Variants in VRTN observed in about 807,000 individuals in gnomAD.
The protein encoded by VRTN is vertebrae development associated.
Under a neutral mutation model 18.2 loss-of-function variants are expected in VRTN, and 5 were observed. The observed-to-expected ratio is 0.27, with a 90% CI of 0.14 to 0.58. The LOEUF (loss-of-function observed/expected upper bound fraction) is 0.58, where lower values mean the gene tolerates loss of function less well. Among genes scored for constraint, VRTN ranks in the 20% least tolerant of loss-of-function variants. VRTN has a pLI of 0.91. For synonymous variants in VRTN, 381 were observed against 393.7 expected (o/e 0.97, Z 0.38); for missense variants, 741 against 939.4 (o/e 0.79, Z 2.76).
rs538822149 is a variant in VRTN, at chr14:74,331,699, G to A, written c.-163-6024G>A. ...GAGGGAGCTTAGAGGTAATTTTAGT[G>A]CCTGCAGAATACTAGATGTGCACAC... On this transcript the variant is annotated intron_variant, in intron 1 of 2. Coordinates refer to the VRTN transcript ENST00000557177. 2.2e-4 allele frequency among the ~76,000 whole-genome samples: 33 copies of A among 149,566 alleles called. No homozygotes were observed. The South Asian group carries it at 7.1e-3, about 32-fold the overall frequency.
chr14:74,304,557 AG>A (rs778713928), intron 1 of VRTN, among the ~76,000 whole-genome samples: 8 of 152,138 alleles, frequency 5.3e-5, no homozygotes, highest in Admixed American at 2.0e-4. Flanking sequence ...TTTGCTGTGT[AG>A]GCTTTCCTAT....
chr14:74,315,316 C>G (rs755000948), intron 1 of VRTN, among the ~76,000 whole-genome samples: 1 of 152,110 alleles, frequency 6.6e-6, no homozygotes, highest in Non-Finnish European at 1.5e-5. Context: ...CAGATTCATG[C>G]GAGTCTTGTG....
rs767562581 is a variant in VRTN at position 74,357,239 on chromosome 14, G to A, written c.456G>A (p.Thr152=). ...AGATGACCAGCTTGCCCCCCGCCAC[G>A]CTGGAGGCCATCTTCGATGCCGACG... ...SPEMTSLPPA[T]LEAIFDADVK... is the part of the protein sequence containing the mutation. The change falls in exon 2 of 2, where the codon ACG becomes ACA. Residue 152 remains threonine, a synonymous_variant. Coordinates refer to ENST00000256362, the MANE Select transcript of VRTN (RefSeq NM_018228.3). The surrounding 1 kb of genome is among the most constrained non-coding windows in gnomAD (Gnocchi z 7.8). The A allele has an allele frequency of 8.1e-6, 13 of 1,613,366 alleles. No homozygotes were observed. The highest frequency in any genetic ancestry group is 1.3e-5 in the African/African-American group (1 of 75,026).
rs1465514773 is a variant in VRTN at position 74,328,689 on chromosome 14, C to T, written c.-163-9034C>T. ...GACAAGGAAAGAGATCCATGACATACTGCAGGGTTAAAAAGAGTAAGTTAT... is the reference window on the plus strand; with the variant it reads ...GACAAGGAAAGAGATCCATGACATATTGCAGGGTTAAAAAGAGTAAGTTAT... On this transcript the variant is annotated intron_variant, in intron 1 of 2. Coordinates refer to the VRTN transcript ENST00000557177. Among the ~76,000 whole-genome samples the T allele has an allele frequency of 2.6e-5, 4 of 152,238 alleles. 1 individual carries two copies. The highest frequency in any genetic ancestry group is 4.1e-4 in the South Asian group (2 of 4,834).
chr14:74,350,176 C>T (rs61527444), intron 1 of VRTN, among the ~76,000 whole-genome samples: 5 of 152,236 alleles, frequency 3.3e-5, no homozygotes, highest in East Asian at 3.9e-4. Context: ...TAGGCTTCCC[C>T]GTGCAGCCCC....
In VRTN at chr14:74,342,410, T is replaced by C. The variant is rs77270424; in HGVS notation, c.-2+4526T>C. ...TTTATTTCTGAGGGCTTGTGCAAAA[T>C]AAAACTATACATGTATGTGTATGTA... On this transcript the variant is annotated intron_variant, in intron 2 of 2. Transcript: ENST00000557177. 3.2e-3 allele frequency among the ~76,000 whole-genome samples: 487 copies of C among 152,220 alleles called. 2 individuals carry two copies. The highest frequency in any genetic ancestry group is 0.011 in the African/African-American group (466 of 41,550).
chr14:74,329,368 C>G (rs1396792443), intron 1 of VRTN, among the ~76,000 whole-genome samples: 2 of 152,114 alleles, frequency 1.3e-5, no homozygotes, highest in African/African-American at 4.8e-5. Flanking sequence ...CCCATCTCAG[C>G]TTCCTGAGTA....
chr14:74,343,502 G>A (rs550290184), upstream of VRTN, among the ~76,000 whole-genome samples: 5 of 152,272 alleles, frequency 3.3e-5, no homozygotes, highest in East Asian at 1.9e-4. Context: ...TTGAAGGTAC[G>A]GCTATACTTG....
At chr14:74,332,576 C>G (rs756517934) in intron 1 of VRTN, among the ~76,000 whole-genome samples, 2 of 151,546 alleles carry the variant, frequency 1.3e-5, no homozygotes, top group Non-Finnish European at 2.9e-5. Context: ...AGGCTGGTCT[C>G]GAACTCCCGA....
chr14:74,342,138 G>A (rs1295024866), intron 2 of VRTN, among the ~76,000 whole-genome samples: 7 of 152,040 alleles, frequency 4.6e-5, no homozygotes, highest in African/African-American at 1.7e-4. Context: ...AGGAGGCAGA[G>A]GCGGAGGCAG....
chr14:74,321,459 C>T (rs28411019), intron 1 of VRTN, among the ~76,000 whole-genome samples: 1,828 of 150,054 alleles, frequency 0.012, 29 homozygotes, highest in African/African-American at 0.042. Context: ...TGGAAGTAAC[C>T]GGGATGTCTG....
At chr14:74,327,472 C>A (rs2085495373) in intron 1 of VRTN, among the ~76,000 whole-genome samples, 1 of 152,156 alleles carries the variant, frequency 6.6e-6, no homozygotes, top group African/African-American at 2.4e-5. Flanking sequence ...AGGGATGGCC[C>A]CACCCAGGCT....
chr14:74,322,567 G>A (rs912272020), intron 1 of VRTN, among the ~76,000 whole-genome samples: 3 of 152,264 alleles, frequency 2.0e-5, no homozygotes, highest in South Asian at 2.1e-4. Context: ...CTCCACTGAA[G>A]CATATCCCCT....
At chr14:74,344,750 A>AAAAAAAAGT (rs1410658975), upstream of VRTN, among the ~76,000 whole-genome samples, 81 of 128,090 alleles carry the variant, frequency 6.3e-4, 2 homozygotes, top group Middle Eastern at 3.9e-3. Flanking sequence ...AAAAAAAATG[A>AAAAAAAAGT]AAAAAAGAAA....
At chr14:74,338,822 T>C (rs2085582180) in intron 2 of VRTN, among the ~76,000 whole-genome samples, 1 of 152,204 alleles carries the variant, frequency 6.6e-6, no homozygotes, top group African/African-American at 2.4e-5. Context: ...CCTCCTGGGT[T>C]CAAGCAATTC....
chr14:74,324,323 G>A (rs2085474221), intron 1 of VRTN, among the ~76,000 whole-genome samples: 1 of 146,722 alleles, frequency 6.8e-6, no homozygotes, highest in South Asian at 2.2e-4. Flanking sequence ...GGGAGGCAGA[G>A]GTTGCAGTGA....
At chr14:74,350,104 G>C (rs1454784298) in intron 1 of VRTN, among the ~76,000 whole-genome samples, 2 of 152,286 alleles carry the variant, frequency 1.3e-5, no homozygotes, top group East Asian at 1.9e-4. Flanking sequence ...TCTAGGAAGA[G>C]AGCCATTGCC....
intron 1 of VRTN, among the ~76,000 whole-genome samples, chr14:74,305,264 G>A (rs528693122): frequency 4.8e-4 from 72 of 151,540 alleles, no homozygotes; most frequent in African/African-American, 1.7e-3. Context: ...CCCAGGAGGC[G>A]GAGGTTGCAT....
At chr14:74,352,749 C>T (rs550050806) in intron 1 of VRTN, among the ~76,000 whole-genome samples, 20 of 152,246 alleles carry the variant, frequency 1.3e-4, no homozygotes, top group Non-Finnish European at 2.8e-4. Context: ...TGTATATACC[C>T]AAACACCATT....
Sources: gnomAD v4.1 joint callset for allele counts (sites outside exome capture counted in the v4.1 genomes callset) on GRCh38, gnomAD v4.1.1 for gene constraint, Gnocchi (gnomAD v3.1) non-coding constraint, MANE v1.5 for transcripts, NCBI Gene and HGNC (gene_info 2026-07-23, HGNC 2026-07-21) for gene names.